Variants in ANXA10 observed in about 807,000 individuals in gnomAD.
The protein encoded by ANXA10 is annexin A10, also known as annexin 14.
In ANXA10, 49 loss-of-function variants were observed where a neutral mutation model predicts 53.5. The ratio of observed to expected loss-of-function variants is 0.92; its 90% CI spans 0.73 to 1.16. The LOEUF is 1.16. Ranked by LOEUF, ANXA10 falls within the 50% of genes most tolerant of loss-of-function variation. The pLI is 0.00. For missense variants in ANXA10, 393 were observed against 394.4 expected (o/e 1.00, Z 0.03); for synonymous variants, 131 against 128.9 (o/e 1.02, Z -0.11).
chr4:168,154,017 C>T (rs1425096668), intron 3 of ANXA10, among the ~76,000 whole-genome samples: 1 of 151,858 alleles, frequency 6.6e-6, no homozygotes, highest in African/African-American at 2.4e-5. Context: ...CACACGCGCG[C>T]GCGCGTGCCT....
intron 6 of ANXA10, among the ~76,000 whole-genome samples, chr4:168,170,822 AT>A (rs1731970308): frequency 6.6e-6 from 1 of 151,834 alleles, no homozygotes; most frequent in South Asian, 2.1e-4. Flanking sequence ...AATAATACAT[AT>A]TTCATAAAGA....
At chr4:168,114,409 T>A (rs1473877518) in intron 1 of ANXA10, among the ~76,000 whole-genome samples, 1 of 152,206 alleles carries the variant, frequency 6.6e-6, no homozygotes, top group East Asian at 1.9e-4. Context: ...GAAATAAAGA[T>A]TAACAATTAT....
At chr4:168,156,462 C>A (rs1731685501) in intron 3 of ANXA10, among the ~76,000 whole-genome samples, 1 of 82,824 alleles carries the variant, frequency 1.2e-5, no homozygotes, top group South Asian at 4.0e-4. Context: ...TAGTAGGTGA[C>A]CACATTGCTT....
chr4:168,153,879 T>C (rs1373925229), intron 3 of ANXA10, among the ~76,000 whole-genome samples: 1 of 152,168 alleles, frequency 6.6e-6, no homozygotes, highest in Non-Finnish European at 1.5e-5. Context: ...CCAGAACCTG[T>C]ACATTCGAAC....
In ANXA10 at chr4:168,183,009, G is replaced by GAA. The variant is rs747151480; in HGVS notation, c.783+1287_783+1288dup. On this transcript the variant is annotated intron_variant, in intron 10 of 11. Transcript: ENST00000359299. ...GGCGACAGAGCGAGACACCGTCTCG[G>GAA]AAAAAAAAAAAAAAAAAAAAGAAAA... Among the ~76,000 whole-genome samples, 212 of 93,342 alleles carry GAA rather than the reference G, an allele frequency of 2.3e-3. 1 individual carries two copies. The highest frequency in any genetic ancestry group is 6.7e-3 in the African/African-American group (187 of 27,850). The allele number at this position is 93,342 out of a possible 152,430, so 61.2% of individuals were successfully genotyped here. A position where few individuals can be genotyped will look rare whatever the true frequency, so the allele number is the denominator to read the frequency against.
Position 168,182,456 on chromosome 4 carries a change from A to G in ANXA10, c.783+715A>G, listed in dbSNP as rs567594433. Among the ~76,000 whole-genome samples, 26 of 141,496 alleles carry G rather than the reference A, an allele frequency of 1.8e-4. No homozygotes were observed. In the South Asian group the frequency reaches 4.9e-3, roughly 27 times the overall value. 92.8% of individuals were successfully genotyped at this position (141,496 alleles called of 152,430 possible). A position where few individuals can be genotyped will look rare whatever the true frequency, so the allele number is the denominator to read the frequency against. Reference sequence around the variant, plus strand: ...CGCCATTCTCCTGCCTCAGCCTCCCAAGTAGCTGGGACTACAGGTACCCGC... The same window carrying G: ...CGCCATTCTCCTGCCTCAGCCTCCCGAGTAGCTGGGACTACAGGTACCCGC... On this transcript the variant is annotated intron_variant, in intron 10 of 11. Coordinates refer to ENST00000359299, the MANE Select transcript of ANXA10 (RefSeq NM_007193.5).
At chr4:168,135,120 A>G (rs1192878990) in intron 2 of ANXA10, among the ~76,000 whole-genome samples, 1 of 152,206 alleles carries the variant, frequency 6.6e-6, no homozygotes, top group African/African-American at 2.4e-5. Flanking sequence ...AGAGAGAGTG[A>G]ACTCAAATCC....
intron 3 of ANXA10, among the ~76,000 whole-genome samples, chr4:168,156,206 T>TTA (rs1368446784): frequency 1.2e-4 from 2 of 16,868 alleles, no homozygotes; most frequent in Non-Finnish European, 1.9e-4. Context: ...ATAATATATA[T>TTA]TATATTATAT....
chr4:168,109,933 G>A (rs1730776951), intron 1 of ANXA10, among the ~76,000 whole-genome samples: 2 of 152,142 alleles, frequency 1.3e-5, no homozygotes, highest in African/African-American at 4.8e-5. Flanking sequence ...ATGTTAGGCC[G>A]GGCACGGTGG....
intron 6 of ANXA10, among the ~76,000 whole-genome samples, chr4:168,172,946 C>T (rs1007975831): frequency 5.3e-5 from 8 of 152,010 alleles, no homozygotes; most frequent in African/African-American, 1.7e-4. Flanking sequence ...CCTGTCACCA[C>T]GCCTGGCTAA....
At chr4:168,138,562 C>T (rs907559057) in intron 2 of ANXA10, among the ~76,000 whole-genome samples, 25 of 152,030 alleles carry the variant, frequency 1.6e-4, no homozygotes, top group Admixed American at 1.3e-3. Flanking sequence ...TGTAAGATTG[C>T]GTTGGCTATT....
intron 3 of ANXA10, among the ~76,000 whole-genome samples, chr4:168,154,499 C>G (rs996458335): frequency 6.6e-6 from 1 of 151,972 alleles, no homozygotes; most frequent in Non-Finnish European, 1.5e-5. Context: ...CAGTGGTGGC[C>G]AGGAAGTAAT....
intron 1 of ANXA10, among the ~76,000 whole-genome samples, chr4:168,106,987 G>A (rs1204830216): frequency 6.6e-6 from 1 of 152,100 alleles, no homozygotes; most frequent in Non-Finnish European, 1.5e-5. Flanking sequence ...CAAAGATGGA[G>A]GCATTTAAAT....
At chr4:168,176,637 G>GTT (rs1343276073) in intron 6 of ANXA10, among the ~76,000 whole-genome samples, 2 of 152,140 alleles carry the variant, frequency 1.3e-5, no homozygotes, top group Non-Finnish European at 2.9e-5. Flanking sequence ...AGGAAGTTGT[G>GTT]TTTAAGACCT....
At chr4:168,100,900 A>T (rs1431790384) in intron 1 of ANXA10, among the ~76,000 whole-genome samples, 1 of 152,106 alleles carries the variant, frequency 6.6e-6, no homozygotes, top group Non-Finnish European at 1.5e-5. Context: ...TCAAAACAGG[A>T]TATTAAAATA....
intron 1 of ANXA10, among the ~76,000 whole-genome samples, chr4:168,094,508 G>A (rs1365800160): frequency 6.6e-6 from 1 of 152,044 alleles, no homozygotes; most frequent in Non-Finnish European, 1.5e-5. Context: ...TCTTTAATCG[G>A]ATGTTCTCAA....
chr4:168,187,460 C>T lies in ANXA10; in HGVS notation c.*26C>T, dbSNP rs764263510. The T allele has an allele frequency of 2.7e-6, 4 of 1,482,186 alleles. No individual in the cohort carries two copies. Among genetic ancestry groups the T allele is most frequent in the African/African-American group, 1.4e-5 (1 of 71,402 alleles). 91.8% of individuals were successfully genotyped at this position (1,482,186 alleles called of 1,614,324 possible). A position where few individuals can be genotyped will look rare whatever the true frequency, so the allele number is the denominator to read the frequency against. On this transcript the variant is annotated 3_prime_UTR_variant, in exon 12 of 12. Transcript: ENST00000359299. ...AATGAAGAGGACTTGGAGTACTGTGCACTCCTCTTTCTAGACACTTCCAAA... is the reference window on the plus strand; with the variant it reads ...AATGAAGAGGACTTGGAGTACTGTGTACTCCTCTTTCTAGACACTTCCAAA...
At chr4:168,135,918 G>T (rs1412152042) in intron 2 of ANXA10, among the ~76,000 whole-genome samples, 1 of 152,162 alleles carries the variant, frequency 6.6e-6, no homozygotes, top group Non-Finnish European at 1.5e-5. Flanking sequence ...ACATTTAATT[G>T]GCTCATGGCT....
In ANXA10 at chr4:168,092,675, C is replaced by T; in HGVS notation, c.-26C>T. ...TATGCAATCGATCAAATATTTTCAT[C>T]CCTGAGGTTAACAATTACCATCAAA... On this transcript the variant is annotated 5_prime_UTR_variant, in exon 1 of 12. Transcript: ENST00000359299. 1 of 1,585,892 alleles carries T rather than the reference C, an allele frequency of 6.3e-7. No homozygotes were observed. Among genetic ancestry groups the T allele is most frequent in the Non-Finnish European group, 8.6e-7 (1 of 1,165,940 alleles).
Sources: allele counts gnomAD v4.1 joint callset (sites outside exome capture counted in the v4.1 genomes callset), GRCh38; gene constraint gnomAD v4.1.1; transcripts MANE v1.5; gene names NCBI Gene and HGNC (gene_info 2026-07-23, HGNC 2026-07-21).